Variants in PCDHGA5 observed in about 807,000 individuals in gnomAD.
PCDHGA5 encodes the protein protocadherin gamma-A5.
In PCDHGA5, 36 loss-of-function variants were observed where a neutral mutation model predicts 56.7. That is an observed-to-expected ratio of 0.64 (90% CI 0.49 to 0.84). PCDHGA5 has a LOEUF of 0.84. Ranked by LOEUF, PCDHGA5 falls within the 40% of genes least tolerant of loss-of-function variation. The pLI, the probability that PCDHGA5 is intolerant of heterozygous loss-of-function variation, is 0.00. For synonymous variants in PCDHGA5, 563 were observed against 520.2 expected, an observed-to-expected ratio of 1.08 and a Z score of -1.12; for missense variants, 1,305 against 1,201.5, an observed-to-expected ratio of 1.09 and a Z score of -1.27.
At position 141,408,331 on chromosome 5, in the gene PCDHGA5, G is replaced by C. The variant is rs779178317; in HGVS notation, c.2421+41580G>C. On this transcript the variant is annotated intron_variant, in intron 1 of 3. Transcript: ENST00000518069. Reference sequence around the variant, plus strand: ...ACTCGATTCCGGAGGAGCTGGCCAAGGGCTCGGTGGTGGGGAACCTCGCTA... The same window carrying C: ...ACTCGATTCCGGAGGAGCTGGCCAACGGCTCGGTGGTGGGGAACCTCGCTA... 3.1e-6 allele frequency: 5 copies of C among 1,613,932 alleles called. No individual in the cohort carries two copies. In the South Asian group the frequency reaches 5.5e-5, roughly 18 times the overall value.
At chr5:141,498,964 G>A (rs1342764380) in intron 2 of PCDHGA5, among the ~76,000 whole-genome samples, 2 of 127,572 alleles carry the variant, frequency 1.6e-5, no homozygotes, top group Admixed American at 8.7e-5. Context: ...AGAGAGGGAG[G>A]GAGGGAGGGA....
chr5:141,426,439 G>A, intron 1 of PCDHGA5: 1 of 302,400 alleles, frequency 3.3e-6, no homozygotes, highest in Non-Finnish European at 6.5e-6. Flanking sequence ...GAACCTTGCG[G>A]AGGACATGCG....
chr5:141,476,416 A>C lies in PCDHGA5; in HGVS notation c.2422-18391A>C, dbSNP rs2099391138. On this transcript the variant is annotated intron_variant, in intron 1 of 3. Coordinates refer to ENST00000518069, the MANE Select transcript of PCDHGA5 (RefSeq NM_018918.3). The surrounding 1 kb of genome is among the most constrained non-coding windows in gnomAD (Gnocchi z 7.6). ...TGGATCGAGAGGAGCTGTGTGGGACACTGCCCTCTTGCACTGTAACTCTGG... is the reference window on the plus strand; with the variant it reads ...TGGATCGAGAGGAGCTGTGTGGGACCCTGCCCTCTTGCACTGTAACTCTGG... 6.2e-7 allele frequency: 1 copy of C among 1,614,056 alleles called. No homozygotes were observed. The highest frequency in any genetic ancestry group is 8.5e-7 in the Non-Finnish European group (1 of 1,179,994).
chr5:141,469,354 A>G (rs1160934469), intron 1 of PCDHGA5, among the ~76,000 whole-genome samples: 1 of 152,128 alleles, frequency 6.6e-6, no homozygotes, highest in Non-Finnish European at 1.5e-5. Flanking sequence ...AGGTGGATGG[A>G]TCATGAGGTA....
At chr5:141,416,620 G>T (rs1395913352) in intron 1 of PCDHGA5, 1 of 152,142 alleles carries the variant, frequency 6.6e-6, no homozygotes, top group Non-Finnish European at 1.5e-5. Flanking sequence ...CATTTCTGCA[G>T]ATCAGAATAT....
chr5:141,503,401 C>A (rs987421198), intron 2 of PCDHGA5, among the ~76,000 whole-genome samples: 15 of 151,848 alleles, frequency 9.9e-5, no homozygotes, highest in Non-Finnish European at 1.9e-4. Context: ...TCGAAACCAA[C>A]CTGGCCAATA....
intron 1 of PCDHGA5, among the ~76,000 whole-genome samples, chr5:141,452,689 C>G (rs1198702467): frequency 6.6e-6 from 1 of 151,562 alleles, no homozygotes; most frequent in Non-Finnish European, 1.5e-5. Context: ...AGAATGAAAC[C>G]CTGTCAAGAA....
intron 1 of PCDHGA5, chr5:141,423,426 G>A: frequency 6.2e-7 from 1 of 1,614,028 alleles, no homozygotes; most frequent in Non-Finnish European, 8.5e-7. Context: ...AAGGCGGGTT[G>A]GCAGGTATGC....
At chr5:141,421,873 T>G (rs1219669838) in intron 1 of PCDHGA5, 3 of 1,613,592 alleles carry the variant, frequency 1.9e-6, no homozygotes, top group Non-Finnish European at 2.5e-6. Context: ...CCTCACAGCT[T>G]TAGATGGAGG....
rs112156044 is a variant in PCDHGA5, at chr5:141,476,771, G to A, written c.2422-18036G>A. The A allele has an allele frequency of 6.2e-7, 1 of 1,613,700 alleles. No homozygotes were observed. The highest frequency in any genetic ancestry group is 1.3e-5 in the African/African-American group (1 of 75,036). On this transcript the variant is annotated intron_variant, in intron 1 of 3. Coordinates refer to ENST00000518069, the MANE Select transcript of PCDHGA5 (RefSeq NM_018918.3). The surrounding 1 kb of genome is among the most constrained non-coding windows in gnomAD (Gnocchi z 7.6). ...CCAGTTAGTGCTGACGGCGTTGGAC[G>A]GAGGGACCCCAGCTCTCTCCGCCAG...
chr5:141,490,640 G>C lies in PCDHGA5; in HGVS notation c.2422-4167G>C, dbSNP rs774630488. 1 of 1,614,122 alleles carries C rather than the reference G, an allele frequency of 6.2e-7. No individual in the cohort carries two copies. The highest frequency in any genetic ancestry group is 8.5e-7 in the Non-Finnish European group (1 of 1,180,012). On this transcript the variant is annotated intron_variant, in intron 1 of 3. Coordinates refer to ENST00000518069, the MANE Select transcript of PCDHGA5 (RefSeq NM_018918.3). This position sits in a 1 kb window ranked among gnomAD's most constrained non-coding sequence, Gnocchi z 5.4. The stretch of plus-strand genomic sequence containing the variant: ...TACACTGCTTACATCCTAGAAAACC[G>C]GCCTCCGGGCTCCCTTCTTTGCACT...
rs573088236 is a variant in PCDHGA5, at chr5:141,489,279, G to A, written c.2422-5528G>A. On this transcript the variant is annotated intron_variant, in intron 1 of 3. Coordinates refer to ENST00000518069, the MANE Select transcript of PCDHGA5 (RefSeq NM_018918.3). This position sits in a 1 kb window ranked among gnomAD's most constrained non-coding sequence, Gnocchi z 4.5. Reference sequence around the variant, plus strand: ...CACTCCCACAGCTCGCTGGGAAATGGCAAGTGCTGTGCATGTTGTCCTTGT... The same window carrying A: ...CACTCCCACAGCTCGCTGGGAAATGACAAGTGCTGTGCATGTTGTCCTTGT... The A allele has an allele frequency of 6.4e-7, 1 of 1,562,030 alleles. No individual in the cohort carries two copies. Among genetic ancestry groups the A allele is most frequent in the East Asian group, 2.2e-5 (1 of 44,522 alleles).
intron 1 of PCDHGA5, chr5:141,376,159 C>G: frequency 6.2e-7 from 1 of 1,614,084 alleles, no homozygotes; most frequent in Non-Finnish European, 8.5e-7. Context: ...TCACTCTGTA[C>G]CTGGTGGTGG....
intron 2 of PCDHGA5, among the ~76,000 whole-genome samples, chr5:141,499,317 A>G (rs532848559): frequency 7.9e-5 from 12 of 152,354 alleles, no homozygotes; most frequent in Admixed American, 1.3e-4. Context: ...GAGAGACAGT[A>G]TCCCTGCTCT....
At position 141,369,163 on chromosome 5, in the gene PCDHGA5, A is replaced by G. The variant is rs184652156; in HGVS notation, c.2421+2412A>G. Reference sequence around the variant, plus strand: ...AATGGCATGTTATTGACCAGGGAAAAGTGTAAATAACAAAAAGTTAGGATT... The same window carrying G: ...AATGGCATGTTATTGACCAGGGAAAGGTGTAAATAACAAAAAGTTAGGATT... On this transcript the variant is annotated intron_variant, in intron 1 of 3. Transcript: ENST00000518069. Among the ~76,000 whole-genome samples, 9 of 152,372 alleles carry G rather than the reference A, an allele frequency of 5.9e-5. No homozygotes were observed. In the East Asian group the frequency reaches 1.7e-3, roughly 29 times the overall value.
intron 1 of PCDHGA5, chr5:141,382,734 G>A: frequency 1.8e-6 from 1 of 566,662 alleles, no homozygotes; most frequent in South Asian, 3.4e-5. Context: ...ACAGCACAGA[G>A]AAACGACAGA....
intron 1 of PCDHGA5, among the ~76,000 whole-genome samples, chr5:141,439,259 G>A (rs1172204848): frequency 6.6e-6 from 1 of 151,900 alleles, no homozygotes; most frequent in African/African-American, 2.4e-5. Context: ...TGAAGATTCA[G>A]CCAACAGTTC....
intron 1 of PCDHGA5, chr5:141,426,336 C>T (rs779025306): frequency 1.7e-4 from 31 of 187,682 alleles, no homozygotes; most frequent in Non-Finnish European, 2.8e-4. Context: ...GGCAAGCACT[C>T]TTCCCTTTCC....
Position 141,476,852 on chromosome 5 carries a change from C to T in PCDHGA5, c.2422-17955C>T. 6.2e-7 allele frequency: 1 copy of T among 1,613,828 alleles called. No homozygotes were observed. Among genetic ancestry groups the T allele is most frequent in the Non-Finnish European group, 8.5e-7 (1 of 1,180,044 alleles). ...GAATGACAATGCGCCTGTCTTCAAC[C>T]AGTCCTTGTACCGGGCGCGCGTCCT... On this transcript the variant is annotated intron_variant, in intron 1 of 3. Coordinates refer to ENST00000518069, the MANE Select transcript of PCDHGA5 (RefSeq NM_018918.3). This position sits in a 1 kb window ranked among gnomAD's most constrained non-coding sequence, Gnocchi z 7.6.
Sources: gnomAD v4.1 joint callset for allele counts (sites outside exome capture counted in the v4.1 genomes callset) on GRCh38, gnomAD v4.1.1 for gene constraint, Gnocchi (gnomAD v3.1) non-coding constraint, MANE v1.5 for transcripts, NCBI Gene and HGNC (gene_info 2026-07-23, HGNC 2026-07-21) for gene names.